The following RALGAPA2 variants were observed in gnomAD, a reference collection of about 807,000 sequenced individuals.
RALGAPA2 encodes ral GTPase-activating protein subunit alpha-2.
Under a neutral mutation model 230.4 loss-of-function variants are expected in RALGAPA2, and 139 were observed. The ratio of observed to expected loss-of-function variants is 0.60; its 90% confidence interval spans 0.53 to 0.69. The LOEUF (loss-of-function observed/expected upper bound fraction) is 0.69. Among genes scored for constraint, RALGAPA2 ranks in the 30% least tolerant of loss-of-function variants. The pLI, the probability that RALGAPA2 is intolerant of heterozygous loss-of-function variation, is 0.00. For missense variants in RALGAPA2, 2,163 were observed against 2,276.0 expected (o/e 0.95, Z 1.01); for synonymous variants, 847 against 837.8 (o/e 1.01, Z -0.19).
chr20:20,663,064 C>A (rs148666847), intron 3 of RALGAPA2, among the ~76,000 whole-genome samples: 54 of 152,150 alleles, frequency 3.5e-4, no homozygotes, highest in African/African-American at 1.2e-3. Context: ...TGACTTTTGT[C>A]CTGAAGGCAA....
At chr20:20,403,620 C>A (rs973062542) in intron 38 of RALGAPA2, among the ~76,000 whole-genome samples, 1 of 152,188 alleles carries the variant, frequency 6.6e-6, no homozygotes, top group African/African-American at 2.4e-5. Flanking sequence ...GAGCGCCCAG[C>A]CTCACGAAGC....
intron 20 of RALGAPA2, among the ~76,000 whole-genome samples, chr20:20,578,566 A>G (rs1365329743): frequency 6.6e-6 from 1 of 152,212 alleles, no homozygotes; most frequent in Admixed American, 6.6e-5. Flanking sequence ...AAAGGATTTC[A>G]GCCACAAAAT....
At chr20:20,612,782 C>A (rs1314395552) in intron 13 of RALGAPA2, among the ~76,000 whole-genome samples, 1 of 152,164 alleles carries the variant, frequency 6.6e-6, no homozygotes, top group South Asian at 2.1e-4. Context: ...GACAGCTTGT[C>A]GCTCATCACA....
intron 37 of RALGAPA2, among the ~76,000 whole-genome samples, chr20:20,436,081 G>T (rs1440636603): frequency 6.6e-6 from 1 of 152,174 alleles, no homozygotes; most frequent in Non-Finnish European, 1.5e-5. Context: ...ATACCAGACA[G>T]TAACAGATTA....
At chr20:20,649,736 G>A (rs530782519) in intron 4 of RALGAPA2, among the ~76,000 whole-genome samples, 1 of 152,164 alleles carries the variant, frequency 6.6e-6, no homozygotes, top group East Asian at 1.9e-4. Context: ...GGTTTCTAGA[G>A]GCTCCAGAGC....
At chr20:20,498,723 C>T (rs1380286774) in intron 35 of RALGAPA2, among the ~76,000 whole-genome samples, 1 of 152,228 alleles carries the variant, frequency 6.6e-6, no homozygotes, top group African/African-American at 2.4e-5. Flanking sequence ...TGCCTGGAGA[C>T]TGATAATGTG....
Position 20,689,092 on chromosome 20 carries a change from T to C in RALGAPA2, c.107-8291A>G, listed in dbSNP as rs536017361. Reference sequence around the variant, plus strand: ...TTATATACCATCTATTATATAAAAGTCTCTATGTTATGTAAGAAAAATCTG... The same window carrying C: ...TTATATACCATCTATTATATAAAAGCCTCTATGTTATGTAAGAAAAATCTG... On this transcript the variant is annotated intron_variant, in intron 1 of 39. Coordinates refer to ENST00000202677, the MANE Select transcript of RALGAPA2 (RefSeq NM_020343.4). Among the ~76,000 whole-genome samples, 29 of 152,340 alleles carry C rather than the reference T, an allele frequency of 1.9e-4. No homozygotes were observed. The South Asian group carries it at 5.4e-3, about 28-fold the overall frequency.
intron 10 of RALGAPA2, among the ~76,000 whole-genome samples, chr20:20,623,751 T>A (rs562719921): frequency 2.0e-5 from 3 of 152,328 alleles, no homozygotes; most frequent in African/African-American, 7.2e-5. Flanking sequence ...CCATTTAGGT[T>A]TTCTTTTAAT....
chr20:20,455,695 A>G (rs1189130734), intron 37 of RALGAPA2, among the ~76,000 whole-genome samples: 1 of 152,148 alleles, frequency 6.6e-6, no homozygotes, highest in African/African-American at 2.4e-5. Flanking sequence ...CTTACTATAA[A>G]AAGACACAAT....
Position 20,571,629 on chromosome 20 carries a change from T to G in RALGAPA2, c.3001-16A>C, listed in dbSNP as rs1414425678. 4.4e-6 allele frequency: 7 copies of G among 1,603,992 alleles called. No individual in the cohort carries two copies. The highest frequency in any genetic ancestry group is 6.0e-6 in the Non-Finnish European group (7 of 1,175,230). The stretch of plus-strand genomic sequence containing the variant: ...GTGTCGCCGCCTGTCAAGGAGATGA[T>G]GTTTCCAGATTAAATCAAGCCCAGG... On this transcript the variant is annotated splice_polypyrimidine_tract_variant and intron_variant, in intron 22 of 39. Transcript: ENST00000202677.
chr20:20,440,321 CAGGA>C (rs2060710002), intron 37 of RALGAPA2, among the ~76,000 whole-genome samples: 1 of 152,182 alleles, frequency 6.6e-6, no homozygotes. Flanking sequence ...TGCTTCAAAA[CAGGA>C]AGCATAATAA....
intron 11 of RALGAPA2, 104 bp downstream of exon 11, chr20:20,620,356 AAAG>A: frequency 8.3e-7 from 1 of 1,200,174 alleles, no homozygotes; most frequent in South Asian, 1.6e-5. Context: ...ATGGGATAAA[AAAG>A]AGATCCACCT....
intron 2 of RALGAPA2, among the ~76,000 whole-genome samples, chr20:20,678,864 C>T (rs12481633): frequency 0.029 from 4,433 of 152,204 alleles, 86 homozygotes; most frequent in South Asian, 0.06. Flanking sequence ...AACAACCACA[C>T]TGATGAGCTC....
At chr20:20,644,926 C>T (rs1192347780) in intron 4 of RALGAPA2, among the ~76,000 whole-genome samples, 1 of 152,180 alleles carries the variant, frequency 6.6e-6, no homozygotes, top group African/African-American at 2.4e-5. Flanking sequence ...TACTAGACCT[C>T]CCAGGAGACC....
chr20:20,518,071 C>T (rs2062927773), intron 31 of RALGAPA2, among the ~76,000 whole-genome samples: 1 of 151,864 alleles, frequency 6.6e-6, no homozygotes, highest in Non-Finnish European at 1.5e-5. Flanking sequence ...ATTTTTTTCC[C>T]CCCGAGATGG....
Position 20,512,976 on chromosome 20 carries a change from C to T in RALGAPA2, c.4393G>A (p.Asp1465Asn). Residue 1465 changes from aspartate to asparagine, a missense_variant, in exon 32 of 40, where the codon GAT (aspartate) becomes AAT (asparagine). Asp to Asn is a conservative substitution (Grantham distance 23). Coordinates refer to ENST00000202677, the MANE Select transcript of RALGAPA2 (RefSeq NM_020343.4). ...TCCCAAGAGTACTTCCCTGAGATAT[C>T]CCTCACAATTACTCTCACATCAGAG... The part of the protein sequence containing the change: ...SLSDVRVIVR[D>N]ISGKYSWDGK... 1.2e-6 allele frequency: 2 copies of T among 1,613,706 alleles called. No individual in the cohort carries two copies. The highest frequency in any genetic ancestry group is 1.7e-6 in the Non-Finnish European group (2 of 1,179,670).
Position 20,502,385 on chromosome 20 carries a change from A to G in RALGAPA2, c.5208+966T>C, listed in dbSNP as rs536739135. Among the ~76,000 whole-genome samples, 10 of 152,358 alleles carry G rather than the reference A, an allele frequency of 6.6e-5. No individual in the cohort carries two copies. The South Asian group carries it at 2.1e-3, about 32-fold the overall frequency. On this transcript the variant is annotated intron_variant, in intron 35 of 39. Coordinates refer to ENST00000202677, the MANE Select transcript of RALGAPA2 (RefSeq NM_020343.4). ...AAAGAATCAATTAGACCAATGGGCA[A>G]TAATGAGGGATGATGGTCAGAGACA...
At chr20:20,525,010 A>G (rs1203783314) in intron 28 of RALGAPA2, 112 bp from the exon 29 acceptor site, 2 of 900,954 alleles carry the variant, frequency 2.2e-6, no homozygotes, top group Non-Finnish European at 3.4e-6. Context: ...GTGCCAACTC[A>G]CCACAGAAAG....
At chr20:20,659,624 G>A (rs566710368) in intron 3 of RALGAPA2, 2 of 287,638 alleles carry the variant, frequency 7.0e-6, no homozygotes, top group African/African-American at 4.4e-5. Context: ...ATAAAAAAGA[G>A]TATATTCCTA....
Sources: allele counts gnomAD v4.1 joint callset (sites outside exome capture counted in the v4.1 genomes callset), GRCh38; gene constraint gnomAD v4.1.1; transcripts MANE v1.5; gene names NCBI Gene and HGNC (gene_info 2026-07-23, HGNC 2026-07-21).